Variants in SYBU observed in about 807,000 individuals in gnomAD.
SYBU encodes the protein GOLSYN A protein.
In SYBU, 21 loss-of-function variants were observed where a neutral mutation model predicts 35.9. The ratio of observed to expected loss-of-function variants is 0.58; its 90% CI spans 0.41 to 0.84. The LOEUF (loss-of-function observed/expected upper bound fraction) is 0.84. Among genes scored for constraint, SYBU ranks in the 40% least tolerant of loss-of-function variants. The pLI is 0.00. For synonymous variants in SYBU, 319 were observed against 324.3 expected, an observed-to-expected ratio of 0.98 and a Z score of 0.18; for missense variants, 768 against 848.2, an observed-to-expected ratio of 0.91 and a Z score of 1.17.
chr8:109,610,408 C>A (rs1811043212), intron 3 of SYBU, among the ~76,000 whole-genome samples: 1 of 152,188 alleles, frequency 6.6e-6, no homozygotes, highest in South Asian at 2.1e-4. Context: ...CTATGTTTAG[C>A]AGAAACCTCT....
intron 3 of SYBU, among the ~76,000 whole-genome samples, chr8:109,616,798 G>A (rs781770629): frequency 3.3e-5 from 5 of 150,774 alleles, no homozygotes; most frequent in Admixed American, 6.6e-5. Flanking sequence ...AACAAATGTT[G>A]ACTGAGTCTC....
intron 3 of SYBU, among the ~76,000 whole-genome samples, chr8:109,603,687 T>C (rs1825784286): frequency 6.6e-6 from 1 of 152,214 alleles, no homozygotes; most frequent in Admixed American, 6.5e-5. Flanking sequence ...AGTGTTTGCA[T>C]GGCAGTAAAA....
intron 3 of SYBU, among the ~76,000 whole-genome samples, chr8:109,595,427 G>T (rs1168517473): frequency 6.6e-6 from 1 of 152,134 alleles, no homozygotes; most frequent in Admixed American, 6.6e-5. Context: ...AGGGTCTGTG[G>T]CTCACGAATA....
intron 2 of SYBU, among the ~76,000 whole-genome samples, chr8:109,626,088 T>C (rs1272833363): frequency 6.6e-6 from 1 of 152,250 alleles, no homozygotes; most frequent in African/African-American, 2.4e-5. Context: ...ATTTATTCTA[T>C]GAATTGTTCA....
chr8:109,647,116 G>A (rs1815778582), upstream of SYBU: 1 of 152,142 alleles, frequency 6.6e-6, no homozygotes, highest in Non-Finnish European at 1.5e-5. Context: ...AGGTAATACT[G>A]AAACTCCTTA....
At chr8:109,620,306 A>G (rs1812277616) in intron 2 of SYBU, among the ~76,000 whole-genome samples, 2 of 152,338 alleles carry the variant, frequency 1.3e-5, no homozygotes, top group South Asian at 4.1e-4. Context: ...AAAGACATTC[A>G]GTACTAATAA....
chr8:109,686,758 G>T (rs2130790227), intron 1 of SYBU, among the ~76,000 whole-genome samples: 1 of 152,190 alleles, frequency 6.6e-6, no homozygotes, highest in African/African-American at 2.4e-5. Flanking sequence ...GTCACCAAAG[G>T]TTCACAGTTT....
intron 4 of SYBU, among the ~76,000 whole-genome samples, chr8:109,585,225 T>C (rs1823477535): frequency 6.6e-6 from 1 of 152,222 alleles, no homozygotes; most frequent in East Asian, 1.9e-4. Flanking sequence ...TCCTGGGGCT[T>C]ACAGTCCCTC....
intron 2 of SYBU, among the ~76,000 whole-genome samples, chr8:109,628,591 C>T (rs992054148): frequency 1.3e-5 from 2 of 152,172 alleles, no homozygotes; most frequent in East Asian, 3.9e-4. Context: ...GATCCTTCCA[C>T]CTCAGCCTTT....
At position 109,623,031 on chromosome 8, in the gene SYBU, G is replaced by A. The variant is rs558462314; in HGVS notation, c.230-3992C>T. 5.2e-4 allele frequency among the ~76,000 whole-genome samples: 78 copies of A among 150,884 alleles called. 1 individual carries two copies. The highest frequency in any genetic ancestry group is 1.7e-3 in the African/African-American group (71 of 41,254). ...TTACATCACAGGAGCGTGCGCGCGC[G>A]CACACACACACACACACAAACGCAC... On this transcript the variant is annotated intron_variant, in intron 2 of 6. Transcript: ENST00000276646.
intron 2 of SYBU, among the ~76,000 whole-genome samples, chr8:109,642,303 G>A (rs1814984254): frequency 6.6e-6 from 1 of 152,070 alleles, no homozygotes; most frequent in Non-Finnish European, 1.5e-5. Context: ...TCAGGGGGTG[G>A]GGGCTAGGAG....
intron 3 of SYBU, among the ~76,000 whole-genome samples, chr8:109,616,911 G>A (rs1811860794): frequency 6.6e-6 from 1 of 151,982 alleles, no homozygotes; most frequent in South Asian, 2.1e-4. Flanking sequence ...GGCTGAGGCA[G>A]GCAGATCATT....
rs1817644647 is a variant in SYBU, at chr8:109,691,474, C to A, written c.-199G>T. On this transcript the variant is annotated 5_prime_UTR_variant, in exon 1 of 8. Coordinates refer to the SYBU transcript ENST00000422135. The surrounding 1 kb of genome is among the most constrained non-coding windows in gnomAD (Gnocchi z 4.7). ...CTGGTTTGCGCTCAGGCCCGGGGAG[C>A]CGGGCCCGGCCCGCTCCGCCCGCCT... is the stretch of plus-strand genomic sequence containing the variant. The A allele has an allele frequency of 5.5e-6, 3 of 543,842 alleles. No homozygotes were observed. Among genetic ancestry groups the A allele is most frequent in the East Asian group, 6.8e-5 (2 of 29,264 alleles). The allele number at this position is 543,842 out of a possible 1,614,324, so 33.7% of individuals were successfully genotyped here. A position where few individuals can be genotyped will look rare whatever the true frequency, so the allele number is the denominator to read the frequency against.
At chr8:109,597,052 A>G (rs2703376) in intron 3 of SYBU, among the ~76,000 whole-genome samples, 147,454 of 152,276 alleles carry the variant, frequency 0.97, 71,430 homozygotes, top group East Asian at 1. Flanking sequence ...AAGGTGACCC[A>G]TTGTCTCATG....
At chr8:109,607,385 C>T (rs1826171098) in intron 3 of SYBU, among the ~76,000 whole-genome samples, 1 of 152,174 alleles carries the variant, frequency 6.6e-6, no homozygotes, top group South Asian at 2.1e-4. Context: ...ATCAGGCAGA[C>T]ATGGGTATTC....
chr8:109,614,624 G>A (rs759924761), intron 3 of SYBU, among the ~76,000 whole-genome samples: 4 of 152,194 alleles, frequency 2.6e-5, no homozygotes, highest in Non-Finnish European at 5.9e-5. Flanking sequence ...CAAAGTATAA[G>A]CTCTACTTCT....
intron 2 of SYBU, among the ~76,000 whole-genome samples, chr8:109,622,789 A>G (rs1296101308): frequency 6.6e-6 from 1 of 152,230 alleles, no homozygotes; most frequent in Non-Finnish European, 1.5e-5. Flanking sequence ...GAAATTATCA[A>G]TGACAAAGAT....
intron 1 of SYBU, among the ~76,000 whole-genome samples, chr8:109,657,463 G>C (rs1816397174): frequency 6.6e-6 from 1 of 152,128 alleles, no homozygotes; most frequent in Non-Finnish European, 1.5e-5. Flanking sequence ...ATTTAAAAAG[G>C]CTGACAGCAG....
At chr8:109,628,260 C>A (rs991674554) in intron 2 of SYBU, among the ~76,000 whole-genome samples, 22 of 151,992 alleles carry the variant, frequency 1.4e-4, no homozygotes, top group African/African-American at 5.1e-4. Flanking sequence ...GTAATCCCAG[C>A]ACTTTTGGGA....
Sources: gnomAD v4.1 joint callset for allele counts (sites outside exome capture counted in the v4.1 genomes callset) on GRCh38, gnomAD v4.1.1 for gene constraint, Gnocchi (gnomAD v3.1) non-coding constraint, MANE v1.5 for transcripts, NCBI Gene and HGNC (gene_info 2026-07-23, HGNC 2026-07-21) for gene names.